Variants in SH3BP5 observed in about 807,000 individuals in gnomAD.
SH3BP5 encodes SH3 domain-binding protein 5.
SH3BP5 carries 22 observed loss-of-function variants against 43.3 expected under a neutral mutation model. The ratio of observed to expected loss-of-function variants is 0.51; its 90% CI spans 0.36 to 0.73. The LOEUF is 0.73. Among genes scored for constraint, SH3BP5 ranks in the 30% least tolerant of loss-of-function variants. SH3BP5 has a pLI of 0.00. For missense variants in SH3BP5, 529 were observed against 586.9 expected, an observed-to-expected ratio of 0.90 and a Z score of 1.02; for synonymous variants, 255 against 225.8, an observed-to-expected ratio of 1.13 and a Z score of -1.16.
intron 3 of SH3BP5, among the ~76,000 whole-genome samples, chr3:15,286,398 C>T (rs1159962613): frequency 6.6e-6 from 1 of 152,184 alleles, no homozygotes; most frequent in East Asian, 1.9e-4. Flanking sequence ...GGGGCCTTCT[C>T]CCAGCTCTAA....
chr3:15,288,986 A>G (rs1385696719), intron 3 of SH3BP5, among the ~76,000 whole-genome samples: 1 of 152,256 alleles, frequency 6.6e-6, no homozygotes, highest in Non-Finnish European at 1.5e-5. Context: ...GAAGTGATGT[A>G]GCAGAGAGAT....
intron 1 of SH3BP5, chr3:15,331,859 TGCCCGGC>T (rs1698618030): frequency 5.8e-6 from 1 of 173,658 alleles, no homozygotes; most frequent in Admixed American, 6.4e-5. Flanking sequence ...CCGCCCACGG[TGCCCGGC>T]GCCCACGCGG....
At chr3:15,292,392 G>T (rs958589571) in intron 3 of SH3BP5, among the ~76,000 whole-genome samples, 2 of 152,190 alleles carry the variant, frequency 1.3e-5, no homozygotes, top group Non-Finnish European at 2.9e-5. Context: ...GAAAAAGGGA[G>T]TTGCCCATGA....
intron 3 of SH3BP5, among the ~76,000 whole-genome samples, chr3:15,300,502 G>C (rs957382005): frequency 5.2e-5 from 3 of 57,346 alleles, no homozygotes; most frequent in Admixed American, 2.4e-4. Flanking sequence ...AAAAGGAAGC[G>C]GGGGCGGGGG....
chr3:15,268,509 G>T (rs946610476), intron 4 of SH3BP5, among the ~76,000 whole-genome samples: 4 of 152,120 alleles, frequency 2.6e-5, no homozygotes, highest in African/African-American at 9.7e-5. Context: ...TTTTCCAGGC[G>T]CTGGGAATCT....
chr3:15,288,994 G>A (rs1262367143), intron 3 of SH3BP5, among the ~76,000 whole-genome samples: 1 of 152,208 alleles, frequency 6.6e-6, no homozygotes, highest in East Asian at 1.9e-4. Context: ...GTAGCAGAGA[G>A]ATACAGGTAG....
intron 3 of SH3BP5, among the ~76,000 whole-genome samples, chr3:15,287,105 G>C (rs1355604772): frequency 6.6e-6 from 1 of 152,170 alleles, no homozygotes; most frequent in Non-Finnish European, 1.5e-5. Context: ...GATAATAACA[G>C]AACGTAGCTC....
Position 15,255,927 on chromosome 3 carries a change from C to A in SH3BP5, c.*159G>T. ...AAAAACCAGCCCAAGAGCTCTTACC[C>A]AGAAGAACAATCTTTAGCCCTCAAG... On this transcript the variant is annotated 3_prime_UTR_variant, in exon 9 of 9. Transcript: ENST00000383791. 1 of 689,620 alleles carries A rather than the reference C, an allele frequency of 1.5e-6. No homozygotes were observed. The allele number at this position is 689,620 out of a possible 1,614,324, so 42.7% of individuals were successfully genotyped here.
chr3:15,272,651 T>A, intron 3 of SH3BP5, among the ~76,000 whole-genome samples: 1 of 97,386 alleles, frequency 1.0e-5, no homozygotes, highest in Non-Finnish European at 1.8e-5. Flanking sequence ...ACAGAGTGCC[T>A]GTAGGATAAA....
chr3:15,259,398 A>G, intron 6 of SH3BP5: 1 of 510,994 alleles, frequency 2.0e-6, no homozygotes, highest in South Asian at 2.1e-5. Context: ...TTGCATCAAA[A>G]TCCCCTTGGG....
chr3:15,274,593 A>G (rs764695706), intron 3 of SH3BP5, among the ~76,000 whole-genome samples: 1 of 152,154 alleles, frequency 6.6e-6, no homozygotes, highest in Non-Finnish European at 1.5e-5. Flanking sequence ...TCCCGGGTTC[A>G]AGTAATTCTC....
chr3:15,265,512 T>TCTCACACACA (rs1318765546), intron 4 of SH3BP5, among the ~76,000 whole-genome samples: 28 of 107,988 alleles, frequency 2.6e-4, no homozygotes, highest in East Asian at 1.2e-3. Context: ...CGAGACTCCG[T>TCTCACACACA]CACACACACA....
chr3:15,258,787 C>T (rs750555232), intron 7 of SH3BP5, 44 bp downstream of exon 7: 1 of 1,524,816 alleles, frequency 6.6e-7, no homozygotes, highest in Non-Finnish European at 9.1e-7. Flanking sequence ...ACAAATCACA[C>T]AGTCTGATAT....
intron 7 of SH3BP5, chr3:15,258,629 C>A: frequency 1.8e-6 from 1 of 565,232 alleles, no homozygotes; most frequent in South Asian, 2.4e-5. Flanking sequence ...TTTATTTGAC[C>A]ACAGAATCCT....
intron 2 of SH3BP5, among the ~76,000 whole-genome samples, chr3:15,322,864 G>T (rs1024030396): frequency 6.6e-6 from 1 of 151,806 alleles, no homozygotes; most frequent in Admixed American, 6.6e-5. Flanking sequence ...GCGGGAGGCC[G>T]GGCGCAGTAG....
chr3:15,300,524 G>A (rs1697709031), intron 3 of SH3BP5, among the ~76,000 whole-genome samples: 1 of 151,802 alleles, frequency 6.6e-6, no homozygotes, highest in African/African-American at 2.4e-5. Flanking sequence ...ACAAGAGGAA[G>A]AAAACAGGAA....
chr3:15,271,753 T>TA (rs1559432059), intron 3 of SH3BP5: 1 of 152,340 alleles, frequency 6.6e-6, no homozygotes, highest in African/African-American at 2.4e-5. Context: ...CAGGGAAACT[T>TA]ACAATTATAC....
chr3:15,279,703 C>A (rs556737393), intron 3 of SH3BP5, among the ~76,000 whole-genome samples: 1 of 151,926 alleles, frequency 6.6e-6, no homozygotes, highest in Non-Finnish European at 1.5e-5. Context: ...AAGTTTTGAC[C>A]CCAGTTTCTG....
intron 3 of SH3BP5, among the ~76,000 whole-genome samples, chr3:15,288,759 A>G (rs928772619): frequency 1.3e-5 from 2 of 152,206 alleles, no homozygotes; most frequent in East Asian, 1.9e-4. Context: ...AAACAAACAA[A>G]CAAAAAAAGG....
Sources: allele counts gnomAD v4.1 joint callset (sites outside exome capture counted in the v4.1 genomes callset), GRCh38; gene constraint gnomAD v4.1.1; transcripts MANE v1.5; gene names NCBI Gene and HGNC (gene_info 2026-07-23, HGNC 2026-07-21).